CFAP299: variants seen among roughly 807,000 people sequenced by gnomAD.
CFAP299 encodes the protein cilia and flagella associated protein 299, also known as cilia- and flagella-associated protein 299.
In CFAP299, 21 loss-of-function variants were observed where a neutral mutation model predicts 27.0. The ratio of observed to expected loss-of-function variants is 0.78; its 90% CI spans 0.55 to 1.12. CFAP299 has a LOEUF of 1.12. Ranked by LOEUF, CFAP299 falls within the 50% of genes most tolerant of loss-of-function variation. The probability of loss-of-function intolerance (pLI) is 0.00; values close to 1 mark genes in which losing one functional copy is unlikely to be tolerated. For synonymous variants in CFAP299, 104 were observed against 98.1 expected (o/e 1.06, Z -0.36); for missense variants, 310 against 276.6 (o/e 1.12, Z -0.86).
At chr4:80,706,753 G>T (rs1721842929) in intron 3 of CFAP299, among the ~76,000 whole-genome samples, 1 of 151,826 alleles carries the variant, frequency 6.6e-6, no homozygotes, top group African/African-American at 2.4e-5. Context: ...GATATTTATT[G>T]AGTGGGCTTA....
intron 4 of CFAP299, among the ~76,000 whole-genome samples, chr4:80,904,298 T>C (rs765901748): frequency 6.6e-6 from 1 of 152,160 alleles, no homozygotes; most frequent in Non-Finnish European, 1.5e-5. Context: ...AGATTGGGAA[T>C]AGTTTCAACT....
At chr4:80,827,435 C>T (rs1182687576) in intron 3 of CFAP299, among the ~76,000 whole-genome samples, 1 of 151,726 alleles carries the variant, frequency 6.6e-6, no homozygotes, top group Non-Finnish European at 1.5e-5. Flanking sequence ...CAATGTAGTA[C>T]ATCACATTAA....
chr4:80,889,867 C>G (rs767463524), intron 4 of CFAP299, among the ~76,000 whole-genome samples: 1 of 151,848 alleles, frequency 6.6e-6, no homozygotes, highest in Non-Finnish European at 1.5e-5. Flanking sequence ...GAATGAAGGA[C>G]AAAAAACATA....
At chr4:80,860,409 G>A (rs185212800) in intron 3 of CFAP299, among the ~76,000 whole-genome samples, 3 of 152,050 alleles carry the variant, frequency 2.0e-5, no homozygotes, top group Non-Finnish European at 2.9e-5. Context: ...CTCTCAACTC[G>A]TCAAAGTCAT....
chr4:80,468,833 C>CAAAA (rs762711937), intron 2 of CFAP299, among the ~76,000 whole-genome samples: 4 of 70,488 alleles, frequency 5.7e-5, no homozygotes, highest in Admixed American at 1.6e-4. Context: ...GACTCTGTCT[C>CAAAA]AAAAAAAAAA....
intron 3 of CFAP299, among the ~76,000 whole-genome samples, chr4:80,585,092 G>A (rs910468926): frequency 1.3e-5 from 2 of 152,084 alleles, no homozygotes; most frequent in African/African-American, 4.8e-5. Context: ...TAAAGCGGAT[G>A]CCAGCAGATG....
chr4:80,962,004 A>G (rs905757231), intron 5 of CFAP299, among the ~76,000 whole-genome samples: 1 of 151,912 alleles, frequency 6.6e-6, no homozygotes, highest in South Asian at 2.1e-4. Context: ...ATAGCCAAAA[A>G]GGAAAATACA....
At chr4:80,854,810 G>GAAAAAAAAAAA in intron 3 of CFAP299, among the ~76,000 whole-genome samples, 1 of 43,358 alleles carries the variant, frequency 2.3e-5, no homozygotes, top group Admixed American at 3.3e-4. Context: ...CTGTTGCTAT[G>GAAAAAAAAAAA]AAAAAAAAAA....
At chr4:80,944,193 G>A (rs917355622) in intron 4 of CFAP299, among the ~76,000 whole-genome samples, 3 of 152,106 alleles carry the variant, frequency 2.0e-5, no homozygotes, top group Non-Finnish European at 4.4e-5. Flanking sequence ...TTAGCCCTGT[G>A]GCATATTAGT....
Position 80,864,597 on chromosome 4 carries a change from T to C in CFAP299, c.334-5396T>C, listed in dbSNP as rs776582295. ...TTGTTTCAATTTTAGCTTCAAATTA[T>C]ATAAAAAGTTTTAACTGTGAATAAC... On this transcript the variant is annotated intron_variant, in intron 3 of 5. Transcript: ENST00000358105. 2.0e-5 allele frequency among the ~76,000 whole-genome samples: 3 copies of C among 150,340 alleles called. No individual in the cohort carries two copies. The East Asian group carries it at 5.8e-4, about 29-fold the overall frequency.
rs1196265323 is a variant in CFAP299 at position 80,963,600 on chromosome 4, A to G, written c.690A>G (p.Arg230=). ...CTGTCATTTTTGACCACATTTCCAG[A>G]AGGAAGACTTAAGTACCAACATGTT... ...VQAVIFDHIS[R]RKT is the part of the protein sequence containing the mutation. Residue 230 remains arginine, a synonymous_variant, in exon 6 of 6, where the codon AGA becomes AGG. Coordinates refer to ENST00000358105, the MANE Select transcript of CFAP299 (RefSeq NM_152770.3). 10 of 1,595,914 alleles carry G rather than the reference A, an allele frequency of 6.3e-6. No homozygotes were observed. Among genetic ancestry groups the G allele is most frequent in the Non-Finnish European group, 8.6e-6 (10 of 1,166,264 alleles).
chr4:80,940,507 T>C (rs1032446711), intron 4 of CFAP299, among the ~76,000 whole-genome samples: 2 of 152,316 alleles, frequency 1.3e-5, no homozygotes, highest in East Asian at 3.9e-4. Flanking sequence ...AAACTTTTTT[T>C]CCACGAACGG....
intron 2 of CFAP299, among the ~76,000 whole-genome samples, chr4:80,485,517 T>C (rs1027747092): frequency 1.3e-5 from 2 of 151,936 alleles, no homozygotes; most frequent in Admixed American, 6.6e-5. Flanking sequence ...CTGAAGATAA[T>C]TGGGAGAAAT....
At chr4:80,473,691 T>C (rs1162421449) in intron 2 of CFAP299, among the ~76,000 whole-genome samples, 1 of 152,080 alleles carries the variant, frequency 6.6e-6, no homozygotes, top group East Asian at 1.9e-4. Flanking sequence ...CCGCCTCAGC[T>C]TCCTGATTAG....
intron 3 of CFAP299, among the ~76,000 whole-genome samples, chr4:80,751,423 G>T (rs1724921400): frequency 6.6e-6 from 1 of 152,224 alleles, no homozygotes; most frequent in South Asian, 2.1e-4. Context: ...GGCTGGAATG[G>T]CTGAGTCAAC....
At chr4:80,744,558 C>G (rs1724475143) in intron 3 of CFAP299, among the ~76,000 whole-genome samples, 1 of 152,054 alleles carries the variant, frequency 6.6e-6, no homozygotes, top group Admixed American at 6.6e-5. Context: ...AACACCTCCT[C>G]TCCTTTACCT....
intron 1 of CFAP299, among the ~76,000 whole-genome samples, chr4:80,359,697 T>C (rs1039075466): frequency 6.6e-6 from 1 of 152,220 alleles, no homozygotes; most frequent in Non-Finnish European, 1.5e-5. Context: ...TTCTCTACTG[T>C]CTACTTTGTC....
intron 2 of CFAP299, among the ~76,000 whole-genome samples, chr4:80,390,457 T>G (rs888554394): frequency 3.3e-5 from 5 of 150,978 alleles, no homozygotes; most frequent in Non-Finnish European, 5.9e-5. Context: ...TTTCTTCATT[T>G]TAAAGACTGA....
intron 4 of CFAP299, among the ~76,000 whole-genome samples, chr4:80,896,187 A>C (rs1051243475): frequency 6.6e-6 from 1 of 152,042 alleles, no homozygotes; most frequent in Non-Finnish European, 1.5e-5. Context: ...TAGCAATATT[A>C]GGTATTTATA....
Sources: allele counts gnomAD v4.1 joint callset (sites outside exome capture counted in the v4.1 genomes callset), GRCh38; gene constraint gnomAD v4.1.1; transcripts MANE v1.5; gene names NCBI Gene and HGNC (gene_info 2026-07-23, HGNC 2026-07-21).